NUBPL: variants seen among roughly 807,000 people sequenced by gnomAD.
NUBPL encodes the protein iron-sulfur cluster transfer protein NUBPL.
A neutral mutation model predicts 45.7 loss-of-function variants in NUBPL; 31 were observed. The ratio of observed to expected loss-of-function variants is 0.68; its 90% CI spans 0.51 to 0.92. The LOEUF is 0.92. Among genes scored for constraint, NUBPL ranks in the 40% least tolerant of loss-of-function variants. The pLI is 0.00. For synonymous variants in NUBPL, 144 were observed against 140.9 expected (o/e 1.02, Z -0.15); for missense variants, 401 against 398.7 (o/e 1.01, Z -0.05).
chr14:31,798,666 C>A (rs2039517677), intron 7 of NUBPL, among the ~76,000 whole-genome samples: 1 of 150,408 alleles, frequency 6.6e-6, no homozygotes, highest in African/African-American at 2.4e-5. Context: ...GTGGCGGGCG[C>A]CTGTAGTCCT....
At chr14:31,606,970 G>A (rs1397215656) in intron 4 of NUBPL, among the ~76,000 whole-genome samples, 6 of 152,160 alleles carry the variant, frequency 3.9e-5, no homozygotes, top group Non-Finnish European at 8.8e-5. Flanking sequence ...CTCTCTTGCT[G>A]ACATCACTTT....
chr14:31,812,183 A>ACC (rs1210092268), intron 7 of NUBPL, among the ~76,000 whole-genome samples: 2 of 152,178 alleles, frequency 1.3e-5, no homozygotes, highest in African/African-American at 2.4e-5. Flanking sequence ...GAGCTGTCAG[A>ACC]CAGGGACGTT....
At chr14:31,590,378 G>T (rs550609921) in intron 3 of NUBPL, among the ~76,000 whole-genome samples, 2 of 152,132 alleles carry the variant, frequency 1.3e-5, no homozygotes, top group Non-Finnish European at 2.9e-5. Context: ...GGAACAGGAA[G>T]GGCCTTTAAT....
chr14:31,849,388 T>G (rs1323718298), intron 9 of NUBPL, among the ~76,000 whole-genome samples: 1 of 152,178 alleles, frequency 6.6e-6, no homozygotes, highest in African/African-American at 2.4e-5. Context: ...TCATTTGTGA[T>G]AGTGTGCTGG....
intron 7 of NUBPL, among the ~76,000 whole-genome samples, chr14:31,813,390 C>T (rs2039850782): frequency 6.6e-6 from 1 of 151,624 alleles, no homozygotes. Flanking sequence ...CACTAAACAG[C>T]AGATATGTAT....
intron 4 of NUBPL, among the ~76,000 whole-genome samples, chr14:31,619,748 T>G (rs944252414): frequency 6.6e-6 from 1 of 152,166 alleles, no homozygotes; most frequent in Non-Finnish European, 1.5e-5. Flanking sequence ...TGGTGAATCC[T>G]ACGATTATGT....
chr14:31,590,985 C>T (rs1418991342), intron 3 of NUBPL, among the ~76,000 whole-genome samples: 6 of 152,074 alleles, frequency 3.9e-5, no homozygotes, highest in Admixed American at 3.9e-4. Context: ...AAATGTGGCA[C>T]TTAAGGCAAC....
intron 4 of NUBPL, among the ~76,000 whole-genome samples, chr14:31,602,090 G>A (rs1451642714): frequency 2.0e-5 from 3 of 152,106 alleles, no homozygotes; most frequent in Non-Finnish European, 4.4e-5. Flanking sequence ...TTCTTTGTAG[G>A]GACATGGATG....
chr14:31,736,178 C>G (rs548901245), intron 6 of NUBPL, among the ~76,000 whole-genome samples: 1 of 152,012 alleles, frequency 6.6e-6, no homozygotes, highest in Admixed American at 6.6e-5. Flanking sequence ...AAATTGCTTC[C>G]CAAAAGGATT....
chr14:31,639,871 A>G (rs771045720), intron 4 of NUBPL, among the ~76,000 whole-genome samples: 9 of 152,212 alleles, frequency 5.9e-5, no homozygotes, highest in Non-Finnish European at 1.0e-4. Context: ...CTCCGTGGAC[A>G]TAGGATGGGA....
At chr14:31,624,730 A>G (rs961001436) in intron 4 of NUBPL, among the ~76,000 whole-genome samples, 3 of 151,942 alleles carry the variant, frequency 2.0e-5, no homozygotes, top group African/African-American at 7.3e-5. Context: ...ATGCCCAGCT[A>G]ATTTTTGTAT....
intron 7 of NUBPL, among the ~76,000 whole-genome samples, chr14:31,825,557 A>G (rs1315833612): frequency 2.1e-5 from 3 of 145,598 alleles, no homozygotes; most frequent in South Asian, 2.2e-4. Context: ...TTAATTTTTC[A>G]GTCTCCCAAG....
chr14:31,561,717 T>C (rs533369632), intron 1 of NUBPL, 170 bp downstream of exon 1: 1 of 548,362 alleles, frequency 1.8e-6, no homozygotes, highest in African/African-American at 1.9e-5. Context: ...TGGCGGGACT[T>C]GAAACACAGT....
intron 4 of NUBPL, among the ~76,000 whole-genome samples, chr14:31,659,268 A>G (rs1165065646): frequency 1.3e-5 from 2 of 152,212 alleles, no homozygotes; most frequent in Non-Finnish European, 2.9e-5. Context: ...TCTTTCTGTC[A>G]TCTTTAAAAT....
chr14:31,805,317 A>G (rs556298764), intron 7 of NUBPL, among the ~76,000 whole-genome samples: 48 of 152,330 alleles, frequency 3.2e-4, no homozygotes, highest in African/African-American at 1.1e-3. Flanking sequence ...ACTGTTGGTG[A>G]GAGTGTAAAT....
chr14:31,605,255 C>T (rs1324169338), intron 4 of NUBPL, among the ~76,000 whole-genome samples: 2 of 152,164 alleles, frequency 1.3e-5, no homozygotes, highest in African/African-American at 4.8e-5. Flanking sequence ...AGAGACAACA[C>T]ATCTCTCTCT....
At chr14:31,714,159 T>G (rs2037635579) in intron 6 of NUBPL, among the ~76,000 whole-genome samples, 1 of 152,192 alleles carries the variant, frequency 6.6e-6, no homozygotes, top group Admixed American at 6.5e-5. Context: ...ATAGCCTCTA[T>G]GTAAGATGTT....
intron 7 of NUBPL, among the ~76,000 whole-genome samples, chr14:31,808,259 G>A (rs1005359956): frequency 6.6e-6 from 1 of 152,164 alleles, no homozygotes; most frequent in Admixed American, 6.5e-5. Context: ...CCATGAGCAT[G>A]GAATGTTCTT....
At chr14:31,829,399 AGT>A (rs1462034871) in intron 8 of NUBPL, among the ~76,000 whole-genome samples, 3 of 152,126 alleles carry the variant, frequency 2.0e-5, no homozygotes, top group Non-Finnish European at 4.4e-5. Context: ...CAAGTGAATG[AGT>A]GAGAACTTTC....
Sources: gnomAD v4.1 joint callset for allele counts (sites outside exome capture counted in the v4.1 genomes callset) on GRCh38, gnomAD v4.1.1 for gene constraint, MANE v1.5 for transcripts, NCBI Gene and HGNC (gene_info 2026-07-23, HGNC 2026-07-21) for gene names.